Variants in CCDC171 observed in about 807,000 individuals in gnomAD.
The protein encoded by CCDC171 is coiled-coil domain-containing protein 171.
CCDC171 carries 177 observed loss-of-function variants against 168.2 expected under a neutral mutation model. The observed-to-expected ratio is 1.05, with a 90% CI of 0.93 to 1.19. The LOEUF is 1.19. CCDC171 is among the 50% of genes most tolerant of loss of function. The pLI, the probability that CCDC171 is intolerant of heterozygous loss-of-function variation, is 0.00. For missense variants in CCDC171, 1,991 were observed against 1,539.0 expected (o/e 1.29, Z -4.91); for synonymous variants, 687 against 540.8 (o/e 1.27, Z -3.75).
chr9:15,630,704 C>A (rs2045606480), intron 7 of CCDC171, among the ~76,000 whole-genome samples: 1 of 152,164 alleles, frequency 6.6e-6, no homozygotes, highest in Non-Finnish European at 1.5e-5. Context: ...ACTCTCCACC[C>A]CAAATCAACA....
At chr9:15,922,086 T>C (rs1465705846) in intron 25 of CCDC171, 26 of 282,258 alleles carry the variant, frequency 9.2e-5, no homozygotes, top group Admixed American at 7.6e-4. Context: ...TTTCAACACT[T>C]TTTCCCCTTT....
At chr9:15,645,822 T>C (rs2046990099) in intron 7 of CCDC171, among the ~76,000 whole-genome samples, 1 of 152,184 alleles carries the variant, frequency 6.6e-6, no homozygotes, top group Non-Finnish European at 1.5e-5. Flanking sequence ...GAAAACACTC[T>C]TCAGGATATT....
At chr9:15,596,275 C>T (rs200867890) in intron 6 of CCDC171, among the ~76,000 whole-genome samples, 4 of 151,742 alleles carry the variant, frequency 2.6e-5, no homozygotes, top group South Asian at 2.1e-4. Flanking sequence ...TTTATGGTTT[C>T]AGGTCTAACA....
chr9:16,102,186 C>T, the CCDC171 span, among the ~76,000 whole-genome samples: 2 of 152,252 alleles, frequency 1.3e-5, no homozygotes, highest in East Asian at 3.9e-4. Flanking sequence ...CTGTGAGCCT[C>T]CTCCACAGTC....
At chr9:15,757,004 G>C (rs937577098) in intron 18 of CCDC171, among the ~76,000 whole-genome samples, 2 of 152,126 alleles carry the variant, frequency 1.3e-5, no homozygotes, top group African/African-American at 2.4e-5. Flanking sequence ...TCAGTCTCGG[G>C]TATGTCTTTA....
chr9:16,040,971 T>TTTG (rs1197563704), upstream of CCDC171, among the ~76,000 whole-genome samples: 5 of 152,158 alleles, frequency 3.3e-5, no homozygotes, highest in African/African-American at 4.8e-5. Context: ...AGGAGAGGTG[T>TTTG]TTGCAAGCGT....
At chr9:15,870,269 A>G (rs2131155159) in intron 23 of CCDC171, among the ~76,000 whole-genome samples, 1 of 151,960 alleles carries the variant, frequency 6.6e-6, no homozygotes, top group Non-Finnish European at 1.5e-5. Context: ...GTAAGGAATC[A>G]GTGGGAATGG....
At chr9:15,650,529 A>G (rs143818946) in intron 7 of CCDC171, among the ~76,000 whole-genome samples, 2 of 152,202 alleles carry the variant, frequency 1.3e-5, no homozygotes, top group African/African-American at 2.4e-5. Context: ...TCATTTACAT[A>G]TCTTTTTTAG....
At chr9:16,074,984 A>C in the CCDC171 span, among the ~76,000 whole-genome samples, 3 of 152,162 alleles carry the variant, frequency 2.0e-5, no homozygotes, top group African/African-American at 7.2e-5. Flanking sequence ...TCTTCCTCCC[A>C]GTTTCGTGCT....
At chr9:15,712,209 A>G (rs1588096117) in intron 11 of CCDC171, among the ~76,000 whole-genome samples, 2 of 152,340 alleles carry the variant, frequency 1.3e-5, no homozygotes, top group South Asian at 4.1e-4. Flanking sequence ...CTGCCAATTC[A>G]GATGTTAATC....
intron 23 of CCDC171, among the ~76,000 whole-genome samples, chr9:15,858,079 A>G (rs912843610): frequency 4.6e-5 from 7 of 151,836 alleles, no homozygotes; most frequent in Admixed American, 2.6e-4. Context: ...GTGCAGTGGC[A>G]TGATCTTGGC....
At position 15,661,343 on chromosome 9, in the gene CCDC171, T is replaced by G. The variant is rs2048309514; in HGVS notation, c.915+4124T>G. Reference sequence around the variant, plus strand: ...GACTTTTTAGTAATAGGCTGAAGTTTTAAATTCATGAAAAAAATGTAATTT... The same window carrying G: ...GACTTTTTAGTAATAGGCTGAAGTTGTAAATTCATGAAAAAAATGTAATTT... On this transcript the variant is annotated intron_variant, in intron 8 of 25. Coordinates refer to ENST00000380701, the MANE Select transcript of CCDC171 (RefSeq NM_173550.4). Among the ~76,000 whole-genome samples the G allele has an allele frequency of 2.6e-5, 4 of 152,096 alleles. No homozygotes were observed. The South Asian group carries it at 8.3e-4, about 32-fold the overall frequency.
intron 16 of CCDC171, among the ~76,000 whole-genome samples, chr9:15,735,371 C>T (rs759025503): frequency 1.3e-5 from 2 of 152,070 alleles, no homozygotes; most frequent in African/African-American, 2.4e-5. Flanking sequence ...CATTTATGTT[C>T]TTGTTTCTTT....
intron 11 of CCDC171, among the ~76,000 whole-genome samples, chr9:15,704,985 T>C (rs979759104): frequency 6.6e-6 from 1 of 152,136 alleles, no homozygotes; most frequent in Non-Finnish European, 1.5e-5. Flanking sequence ...CTTACAGGTA[T>C]AGAGTAAGTT....
At chr9:15,909,048 A>C (rs1189984942) in intron 24 of CCDC171, among the ~76,000 whole-genome samples, 3 of 152,220 alleles carry the variant, frequency 2.0e-5, no homozygotes, top group African/African-American at 4.8e-5. Flanking sequence ...GGGGAATCAG[A>C]AGTACGACTC....
At chr9:16,091,997 T>C in the CCDC171 span, among the ~76,000 whole-genome samples, 1 of 152,200 alleles carries the variant, frequency 6.6e-6, no homozygotes, top group East Asian at 1.9e-4. Context: ...CCAATTCCAA[T>C]CAGTTCTTGG....
At chr9:15,673,249 G>C (rs1487454291) in intron 9 of CCDC171, among the ~76,000 whole-genome samples, 1 of 152,156 alleles carries the variant, frequency 6.6e-6, no homozygotes, top group African/African-American at 2.4e-5. Flanking sequence ...AGGAGATTTT[G>C]GGCTGAGATG....
Position 15,870,601 on chromosome 9 carries a change from G to A in CCDC171, c.3469-3931G>A, listed in dbSNP as rs114796137. 7.6e-3 allele frequency among the ~76,000 whole-genome samples: 1,146 copies of A among 151,618 alleles called. 12 individuals are homozygous for A. Among genetic ancestry groups the A allele is most frequent in the African/African-American group, 0.026 (1,087 of 41,392 alleles). On this transcript the variant is annotated intron_variant, in intron 23 of 25. Coordinates refer to ENST00000380701, the MANE Select transcript of CCDC171 (RefSeq NM_173550.4). The stretch of plus-strand genomic sequence containing the variant: ...ACCTCAGTTTTTATATATACCTTGA[G>A]GTCTTCTGGCTTGGTATCCAATTGG...
rs1282279404 is a variant in CCDC171, at chr9:15,666,101, C to T, written c.916-62C>T. 27 of 1,429,696 alleles carry T rather than the reference C, an allele frequency of 1.9e-5. No homozygotes were observed. In the East Asian group the frequency reaches 6.2e-4, roughly 33 times the overall value. The allele number at this position is 1,429,696 out of a possible 1,614,324, so 88.6% of individuals were successfully genotyped here. A position where few individuals can be genotyped will look rare whatever the true frequency, so the allele number is the denominator to read the frequency against. On this transcript the variant is annotated intron_variant, in intron 8 of 25. Transcript: ENST00000380701. ...TCTGTTACTGACAAAGTATTCTACTCAATTTAAGATTGATGCTAGCATTTC... is the reference window on the plus strand; with the variant it reads ...TCTGTTACTGACAAAGTATTCTACTTAATTTAAGATTGATGCTAGCATTTC...
Sources: allele counts gnomAD v4.1 joint callset (sites outside exome capture counted in the v4.1 genomes callset), GRCh38; gene constraint gnomAD v4.1.1; transcripts MANE v1.5; gene names NCBI Gene and HGNC (gene_info 2026-07-23, HGNC 2026-07-21).